TBC1D5: variants seen among roughly 807,000 people sequenced by gnomAD.
The protein encoded by TBC1D5 is TBC1 domain family, member 5.
A neutral mutation model predicts 100.3 loss-of-function variants in TBC1D5; 75 were observed. The observed-to-expected ratio is 0.75, with a 90% CI of 0.62 to 0.91. The LOEUF is 0.91. Among genes scored for constraint, TBC1D5 ranks in the 40% least tolerant of loss-of-function variants. The pLI is 0.00. For synonymous variants in TBC1D5, 323 were observed against 325.6 expected, an observed-to-expected ratio of 0.99 and a Z score of 0.09; for missense variants, 910 against 942.4, an observed-to-expected ratio of 0.97 and a Z score of 0.45.
intron 2 of TBC1D5, among the ~76,000 whole-genome samples, chr3:17,604,452 A>G (rs2061203808): frequency 6.6e-6 from 1 of 152,188 alleles, no homozygotes; most frequent in East Asian, 1.9e-4. Flanking sequence ...CACATATATT[A>G]CATATAAATT....
At chr3:17,488,573 G>A (rs547411532) in intron 3 of TBC1D5, among the ~76,000 whole-genome samples, 1 of 152,272 alleles carries the variant, frequency 6.6e-6, no homozygotes, top group East Asian at 1.9e-4. Flanking sequence ...CAAAGTGGCT[G>A]TAATATTTTG....
chr3:17,444,854 A>T (rs147719131), intron 3 of TBC1D5, among the ~76,000 whole-genome samples: 127 of 152,262 alleles, frequency 8.3e-4, no homozygotes, highest in African/African-American at 2.9e-3. Flanking sequence ...ATAACTTTCA[A>T]TGGCTACAAA....
At chr3:17,434,223 G>A (rs547445098) in intron 3 of TBC1D5, among the ~76,000 whole-genome samples, 1 of 152,292 alleles carries the variant, frequency 6.6e-6, no homozygotes, top group African/African-American at 2.4e-5. Context: ...CTTTGTATGG[G>A]GACTCCAACC....
At chr3:17,700,343 G>T (rs2072960200) in intron 1 of TBC1D5, among the ~76,000 whole-genome samples, 2 of 152,168 alleles carry the variant, frequency 1.3e-5, no homozygotes, top group Admixed American at 6.5e-5. Context: ...ATGGATTAAA[G>T]ACTTAAATGT....
chr3:17,590,905 C>T (rs933048344), intron 2 of TBC1D5, among the ~76,000 whole-genome samples: 3 of 151,908 alleles, frequency 2.0e-5, no homozygotes, highest in Non-Finnish European at 4.4e-5. Context: ...AAGCAGAAAA[C>T]TTCTAGGTCA....
At chr3:17,421,123 A>T (rs2094197490) in intron 4 of TBC1D5, among the ~76,000 whole-genome samples, 2 of 152,228 alleles carry the variant, frequency 1.3e-5, no homozygotes, top group East Asian at 3.8e-4. Context: ...TAATCAATAA[A>T]TTAGTTCAGA....
chr3:17,559,209 C>T (rs1365167658), intron 2 of TBC1D5, among the ~76,000 whole-genome samples: 1 of 151,624 alleles, frequency 6.6e-6, no homozygotes, highest in African/African-American at 2.4e-5. Context: ...AGTGGCATCT[C>T]GGTTCCCTGC....
chr3:17,613,447 T>C (rs1049570081), intron 2 of TBC1D5, among the ~76,000 whole-genome samples: 1 of 152,216 alleles, frequency 6.6e-6, no homozygotes, highest in Non-Finnish European at 1.5e-5. Context: ...TTTAGATCCT[T>C]CAGGAATCGC....
intron 3 of TBC1D5, among the ~76,000 whole-genome samples, chr3:17,438,111 AC>A (rs1444840201): frequency 6.6e-6 from 1 of 152,178 alleles, no homozygotes; most frequent in Non-Finnish European, 1.5e-5. Flanking sequence ...CTGAGGTTCT[AC>A]CACAGACCAC....
At chr3:17,467,822 G>T (rs1462189114) in intron 3 of TBC1D5, among the ~76,000 whole-genome samples, 1 of 151,942 alleles carries the variant, frequency 6.6e-6, no homozygotes, top group African/African-American at 2.4e-5. Flanking sequence ...GCTCAAACCC[G>T]GGAGGCAGAG....
At chr3:17,266,203 T>C (rs943265892) in intron 15 of TBC1D5, among the ~76,000 whole-genome samples, 7 of 152,202 alleles carry the variant, frequency 4.6e-5, no homozygotes, top group Non-Finnish European at 1.0e-4. Flanking sequence ...TCACCATTTC[T>C]GTCTCTTATT....
At chr3:17,403,134 A>C in intron 8 of TBC1D5, 47 bp downstream of exon 8, 1 of 1,472,486 alleles carries the variant, frequency 6.8e-7, no homozygotes, top group South Asian at 1.3e-5. Flanking sequence ...GAAAGAGATA[A>C]CAACAATTTG....
intron 16 of TBC1D5, among the ~76,000 whole-genome samples, chr3:17,250,694 C>T (rs1379525426): frequency 1.3e-5 from 2 of 152,220 alleles, no homozygotes; most frequent in African/African-American, 4.8e-5. Context: ...CAAATAGCAT[C>T]TTTTCAGAGA....
At chr3:17,610,687 T>G (rs894322592) in intron 2 of TBC1D5, among the ~76,000 whole-genome samples, 20 of 152,178 alleles carry the variant, frequency 1.3e-4, no homozygotes, top group Non-Finnish European at 1.8e-4. Context: ...ATATAAATCA[T>G]GATGTTTCTT....
chr3:17,670,513 C>T (rs1244797236), intron 1 of TBC1D5, among the ~76,000 whole-genome samples: 1 of 152,100 alleles, frequency 6.6e-6, no homozygotes, highest in Non-Finnish European at 1.5e-5. Flanking sequence ...ATCTCACTAC[C>T]TTTTAGGATA....
intron 1 of TBC1D5, among the ~76,000 whole-genome samples, chr3:17,704,263 C>T (rs1163641242): frequency 7.0e-6 from 1 of 143,254 alleles, no homozygotes; most frequent in Non-Finnish European, 1.5e-5. Flanking sequence ...AACAGGATCC[C>T]AAGGCAGAGG....
At chr3:17,372,512 T>C (rs1463763048) in intron 12 of TBC1D5, among the ~76,000 whole-genome samples, 1 of 152,192 alleles carries the variant, frequency 6.6e-6, no homozygotes, top group Non-Finnish European at 1.5e-5. Context: ...ATTATGTTCC[T>C]TGATAAAAAT....
intron 2 of TBC1D5, among the ~76,000 whole-genome samples, chr3:17,514,327 ATT>A (rs1299824874): frequency 6.6e-6 from 1 of 152,200 alleles, no homozygotes; most frequent in Non-Finnish European, 1.5e-5. Flanking sequence ...ATATAAAAGC[ATT>A]TGTCTTAATA....
chr3:17,598,734 T>C (rs764141079), intron 2 of TBC1D5, among the ~76,000 whole-genome samples: 15 of 152,174 alleles, frequency 9.9e-5, no homozygotes, highest in Non-Finnish European at 1.9e-4. Flanking sequence ...GCAACACTAT[T>C]TAAAACCAGA....
Sources: allele counts gnomAD v4.1 joint callset (sites outside exome capture counted in the v4.1 genomes callset), GRCh38; gene constraint gnomAD v4.1.1; transcripts MANE v1.5; gene names NCBI Gene and HGNC (gene_info 2026-07-23, HGNC 2026-07-21).